The following LSM4 variants were observed in gnomAD, a reference collection of about 807,000 sequenced individuals.
LSM4 encodes U6 snRNA-associated Sm-like protein LSm4.
Under a neutral mutation model 22.3 loss-of-function variants are expected in LSM4, and 15 were observed. The observed-to-expected ratio is 0.67, with a 90% confidence interval of 0.45 to 1.03. The LOEUF (loss-of-function observed/expected upper bound fraction) is 1.03. Among genes scored for constraint, LSM4 ranks in the 50% least tolerant of loss-of-function variants. The probability of loss-of-function intolerance (pLI) is 0.00; values close to 1 mark genes in which losing one functional copy is unlikely to be tolerated. For synonymous variants in LSM4, 90 were observed against 79.8 expected, an observed-to-expected ratio of 1.13 and a Z score of -0.68; for missense variants, 127 against 198.0, an observed-to-expected ratio of 0.64 and a Z score of 2.15.
At chr19:18,307,699 G>C (rs1234287141) in intron 4 of LSM4, 144 bp from the exon 5 acceptor site, 1 of 562,156 alleles carries the variant, frequency 1.8e-6, no homozygotes, top group Non-Finnish European at 3.0e-6. Context: ...GAGGGTGCTT[G>C]GATCTCCTCC....
intron 2 of LSM4, among the ~76,000 whole-genome samples, chr19:18,314,979 G>C (rs1970338791): frequency 6.6e-6 from 1 of 152,078 alleles, no homozygotes; most frequent in African/African-American, 2.4e-5. Flanking sequence ...CCGCCTCCCG[G>C]GTTCACGCCA....
chr19:18,310,837 C>T (rs551875957), intron 3 of LSM4, among the ~76,000 whole-genome samples: 30 of 152,338 alleles, frequency 2.0e-4, no homozygotes, highest in African/African-American at 7.0e-4. Context: ...GCGGTCCTCT[C>T]CCAGCCCGAC....
chr19:18,311,848 C>T (rs1338790399), intron 3 of LSM4, among the ~76,000 whole-genome samples: 1 of 152,194 alleles, frequency 6.6e-6, no homozygotes, highest in Non-Finnish European at 1.5e-5. Context: ...GCGCCTCCCC[C>T]CTCGAGCCCT....
intron 3 of LSM4, among the ~76,000 whole-genome samples, chr19:18,311,474 C>G (rs183766742): frequency 6.6e-6 from 1 of 152,194 alleles, no homozygotes; most frequent in Admixed American, 6.5e-5. Flanking sequence ...CTGGAGACCA[C>G]GCAGCCTCTG....
intron 1 of LSM4, among the ~76,000 whole-genome samples, chr19:18,322,119 G>A (rs1862145): frequency 0.63 from 95,768 of 151,994 alleles, 31,359 homozygotes; most frequent in South Asian, 0.81. Context: ...CGGATTTAGG[G>A]AGAGTTCTCA....
chr19:18,318,955 C>G (rs1190882719), intron 1 of LSM4, among the ~76,000 whole-genome samples: 1 of 152,244 alleles, frequency 6.6e-6, no homozygotes, highest in Non-Finnish European at 1.5e-5. Context: ...ACAAAGAGAG[C>G]TGGTGGGATG....
intron 1 of LSM4, among the ~76,000 whole-genome samples, chr19:18,319,256 CA>C (rs950805292): frequency 1.4e-5 from 2 of 147,114 alleles, no homozygotes; most frequent in African/African-American, 2.5e-5. Context: ...AAACAAAAAA[CA>C]AAAAAACAAA....
chr19:18,313,477 G>A (rs544235532), intron 2 of LSM4, among the ~76,000 whole-genome samples: 1 of 152,310 alleles, frequency 6.6e-6, no homozygotes, highest in South Asian at 2.1e-4. Flanking sequence ...ATAAGTAGCA[G>A]ATCATTCTGA....
rs1439568134 is a variant in LSM4 at position 18,307,100 on chromosome 19, A to T, written c.*364T>A. On this transcript the variant is annotated 3_prime_UTR_variant, in exon 5 of 5. Transcript: ENST00000593829. ...CCAGCATGAACAGCTTAAAATAAAAATCTCCCGTCTGGTTGCTGCTCGGAG... is the reference window on the plus strand; with the variant it reads ...CCAGCATGAACAGCTTAAAATAAAATTCTCCCGTCTGGTTGCTGCTCGGAG... 5.0e-6 allele frequency: 1 copy of T among 199,614 alleles called. No individual in the cohort carries two copies. The highest frequency in any genetic ancestry group is 1.0e-5 in the Non-Finnish European group (1 of 99,708). 12.4% of individuals were successfully genotyped at this position (199,614 alleles called of 1,614,324 possible).
intron 3 of LSM4, among the ~76,000 whole-genome samples, chr19:18,311,175 G>T (rs775419734): frequency 2.0e-5 from 3 of 152,128 alleles, no homozygotes; most frequent in Non-Finnish European, 4.4e-5. Context: ...TCCCAGGCAG[G>T]GCCCAGAGGC....
Position 18,307,276 on chromosome 19 carries a change from C to A in LSM4, c.*188G>T. ...CACAAAACCAAAAAACACCAAGTAA[C>A]ATTTCTAACCGGAGAATTGCCGGTT... On this transcript the variant is annotated 3_prime_UTR_variant, in exon 5 of 5. Transcript: ENST00000593829. 2.2e-6 allele frequency: 1 copy of A among 453,364 alleles called. No individual in the cohort carries two copies. The highest frequency in any genetic ancestry group is 5.1e-5 in the South Asian group (1 of 19,542). The allele number at this position is 453,364 out of a possible 1,614,324, so 28.1% of individuals were successfully genotyped here.
At chr19:18,309,888 A>C (rs759448854) in intron 3 of LSM4, 27 bp from the exon 4 acceptor site, 2 of 1,608,098 alleles carry the variant, frequency 1.2e-6, no homozygotes, top group Non-Finnish European at 1.7e-6. Flanking sequence ...CAGGTTATTA[A>C]CTTACCACCG....
In LSM4 at chr19:18,314,947, C is replaced by T. The variant is rs545740338; in HGVS notation, c.45+1077G>A. ...TCACCCAGGCTGGAGTGCAGTGGCG[C>T]GATCTCAGCTCACTGCAAGCTCCGC... is the stretch of plus-strand genomic sequence containing the variant. On this transcript the variant is annotated intron_variant, in intron 2 of 4. Transcript: ENST00000593829. Among the ~76,000 whole-genome samples the T allele has an allele frequency of 4.0e-5, 6 of 151,882 alleles. No individual in the cohort carries two copies. The South Asian group carries it at 6.2e-4, about 16-fold the overall frequency.
chr19:18,307,986 C>T (rs575131965), intron 4 of LSM4, among the ~76,000 whole-genome samples: 1 of 152,176 alleles, frequency 6.6e-6, no homozygotes, highest in African/African-American at 2.4e-5. Flanking sequence ...CACCCACAGC[C>T]CCTCATCTAC....
chr19:18,317,505 TTTTA>T (rs1970369692), intron 1 of LSM4, among the ~76,000 whole-genome samples: 1 of 151,646 alleles, frequency 6.6e-6, no homozygotes, highest in Non-Finnish European at 1.5e-5. Context: ...GCTAATTTTT[TTTTA>T]TTTTTATTTT....
At chr19:18,322,244 T>C (rs1210429438) in intron 1 of LSM4, among the ~76,000 whole-genome samples, 1 of 152,114 alleles carries the variant, frequency 6.6e-6, no homozygotes, top group Non-Finnish European at 1.5e-5. Flanking sequence ...GTTTCTCTCA[T>C]TGAAAAAAGA....
intron 1 of LSM4, among the ~76,000 whole-genome samples, chr19:18,319,076 C>T (rs1970392154): frequency 6.6e-6 from 1 of 151,910 alleles, no homozygotes; most frequent in African/African-American, 2.4e-5. Context: ...AACCCCACCT[C>T]TACTAAAATA....
chr19:18,319,156 C>T (rs1297959873), intron 1 of LSM4, among the ~76,000 whole-genome samples: 2 of 151,990 alleles, frequency 1.3e-5, no homozygotes, highest in Non-Finnish European at 2.9e-5. Flanking sequence ...GCAGGAGAAT[C>T]GCTTGAAACC....
chr19:18,312,798 C>A, intron 2 of LSM4, 96 bp from the exon 3 acceptor site: 3 of 891,072 alleles, frequency 3.4e-6, no homozygotes, highest in Non-Finnish European at 3.7e-6. Flanking sequence ...TGGACCACCA[C>A]CTCCGGGCCT....
Sources: gnomAD v4.1 joint callset for allele counts (sites outside exome capture counted in the v4.1 genomes callset) on GRCh38, gnomAD v4.1.1 for gene constraint, MANE v1.5 for transcripts, NCBI Gene and HGNC (gene_info 2026-07-23, HGNC 2026-07-21) for gene names.